OR51B5: variants seen among roughly 807,000 people sequenced by gnomAD.
OR51B5 encodes the protein olfactory receptor family 51 subfamily B member 5.
For missense variants in OR51B5, 456 were observed against 374.6 expected (o/e 1.22, Z -1.79); for synonymous variants, 186 against 144.8 (o/e 1.28, Z -2.04).
chr11:5,496,486 ATTC>A (rs1408003123), intron 1 of OR51B5, among the ~76,000 whole-genome samples: 2 of 152,072 alleles, frequency 1.3e-5, no homozygotes, highest in African/African-American at 4.8e-5. Flanking sequence ...CTCCGATGAC[ATTC>A]TTGTGTACTG....
At chr11:5,469,795 A>T (rs2133800270) in intron 1 of OR51B5, among the ~76,000 whole-genome samples, 1 of 152,278 alleles carries the variant, frequency 6.6e-6, no homozygotes, top group African/African-American at 2.4e-5. Context: ...TTTCTTCCAT[A>T]AGTGAGGTGC....
chr11:5,351,098 A>G (rs963527348), intron 1 of OR51B5, among the ~76,000 whole-genome samples: 1 of 152,190 alleles, frequency 6.6e-6, no homozygotes, highest in Admixed American at 6.5e-5. Context: ...CATCCACCCT[A>G]TAATACCACC....
chr11:5,468,588 T>C (rs371820518), intron 1 of OR51B5: 25 of 444,826 alleles, frequency 5.6e-5, no homozygotes, highest in Middle Eastern at 3.3e-4. Flanking sequence ...CAAAGAGACA[T>C]GAACTTGTGC....
In OR51B5 at chr11:5,342,738, C is replaced by CA. The variant is rs1848915708; in HGVS notation, c.786dup (p.Gly263TrpfsTer29). ...TGAACAATATGTGGAACCTGCTTTC[C>CA]AAAACGATGAATCAGAGACAATCCA... On this transcript the variant is annotated frameshift_variant, in exon 1 of 1. Coordinates refer to ENST00000300773, the Ensembl canonical transcript of OR51B5. LOFTEE classifies it low-confidence loss of function (END_TRUNC). 6.2e-7 allele frequency: 1 copy of CA among 1,613,584 alleles called. No individual in the cohort carries two copies. Among genetic ancestry groups the CA allele is most frequent in the Admixed American group, 1.7e-5 (1 of 59,966 alleles).
chr11:5,370,569 T>A (rs1694299950), intron 1 of OR51B5, among the ~76,000 whole-genome samples: 1 of 152,194 alleles, frequency 6.6e-6, no homozygotes, highest in African/African-American at 2.4e-5. Flanking sequence ...TCTTTCTGTG[T>A]TTAGAAATGA....
intron 1 of OR51B5, among the ~76,000 whole-genome samples, chr11:5,477,161 T>C (rs1338038122): frequency 6.6e-6 from 1 of 152,260 alleles, no homozygotes; most frequent in East Asian, 2.0e-4. Context: ...TGTATACTTA[T>C]ATCCAAACTC....
At chr11:5,505,383 T>A (rs1175666854) in intron 1 of OR51B5, 14 of 1,303,624 alleles carry the variant, frequency 1.1e-5, no homozygotes, top group Admixed American at 2.3e-5. Flanking sequence ...GAGGCAAGAC[T>A]TTCCTCTTCA....
At chr11:5,418,224 G>A (rs1348990842) in intron 1 of OR51B5, among the ~76,000 whole-genome samples, 2 of 151,926 alleles carry the variant, frequency 1.3e-5, no homozygotes, top group Admixed American at 1.3e-4. Flanking sequence ...ATGGACACAG[G>A]AAGGGGAACA....
intron 1 of OR51B5, among the ~76,000 whole-genome samples, chr11:5,409,181 G>T (rs975116): frequency 0.81 from 123,660 of 152,136 alleles, 51,309 homozygotes; most frequent in Non-Finnish European, 0.89. Flanking sequence ...TAGGAAGCTA[G>T]GAAGCAAGGG....
intron 1 of OR51B5, among the ~76,000 whole-genome samples, chr11:5,416,911 G>T (rs1044447582): frequency 3.3e-5 from 5 of 151,530 alleles, no homozygotes; most frequent in Admixed American, 6.6e-5. Flanking sequence ...TTTCTTCACA[G>T]AATTGGAAAA....
chr11:5,413,118 C>T (rs1232668023), intron 1 of OR51B5, among the ~76,000 whole-genome samples: 3 of 152,286 alleles, frequency 2.0e-5, no homozygotes, highest in South Asian at 2.1e-4. Context: ...CAGCAGCATT[C>T]GCGGTTCACG....
chr11:5,479,316 G>A (rs1851370484), intron 1 of OR51B5, among the ~76,000 whole-genome samples: 1 of 151,258 alleles, frequency 6.6e-6, no homozygotes. Flanking sequence ...AATGCTGAGA[G>A]ATTTTGTCAC....
chr11:5,442,252 A>T (rs558181818), intron 1 of OR51B5, among the ~76,000 whole-genome samples: 1 of 152,342 alleles, frequency 6.6e-6, no homozygotes, highest in East Asian at 1.9e-4. Context: ...GCAGCTGGAT[A>T]AAACCAAAGA....
chr11:5,360,205 G>A (rs1021479429), intron 1 of OR51B5, among the ~76,000 whole-genome samples: 13 of 150,298 alleles, frequency 8.6e-5, no homozygotes, highest in Non-Finnish European at 1.8e-4. Flanking sequence ...GAGTGAACAG[G>A]CAACATACAG....
At position 5,394,168 on chromosome 11, in the gene OR51B5, C is replaced by T. The variant is rs1226471606; in HGVS notation, n.85-47258G>A. On this transcript the variant is annotated intron_variant and non_coding_transcript_variant, in intron 1 of 4. Coordinates refer to the OR51B5 transcript ENST00000415970. ...ATTTTGCATATCATGGTTTTTTAAG[C>T]ACATATTATAACCTAGGTATTATTC... Among the ~76,000 whole-genome samples, 8 of 152,052 alleles carry T rather than the reference C, an allele frequency of 5.3e-5. No individual in the cohort carries two copies. The East Asian group carries it at 1.2e-3, about 22-fold the overall frequency.
intron 1 of OR51B5, chr11:5,403,411 C>G (rs767045003): frequency 2.1e-6 from 1 of 471,392 alleles, no homozygotes; most frequent in South Asian, 1.5e-5. Context: ...CGTGTGTCCC[C>G]TCTGCTGCAA....
At chr11:5,373,549 A>G (rs1221820550) in intron 1 of OR51B5, among the ~76,000 whole-genome samples, 2 of 152,182 alleles carry the variant, frequency 1.3e-5, no homozygotes, top group East Asian at 3.9e-4. Flanking sequence ...GGGAAGCACA[A>G]GGGGTCATGG....
At chr11:5,413,786 A>G (rs1850188899) in intron 1 of OR51B5, among the ~76,000 whole-genome samples, 1 of 151,954 alleles carries the variant, frequency 6.6e-6, no homozygotes, top group South Asian at 2.1e-4. Flanking sequence ...GACTATGTGA[A>G]AAGACCAAAT....
chr11:5,378,483 C>T (rs555988540), intron 1 of OR51B5, among the ~76,000 whole-genome samples: 94 of 152,274 alleles, frequency 6.2e-4, no homozygotes, highest in Middle Eastern at 3.4e-3. Flanking sequence ...AACTAAAGAG[C>T]TTCTGCACAG....
Sources: allele counts gnomAD v4.1 joint callset (sites outside exome capture counted in the v4.1 genomes callset), GRCh38; gene constraint gnomAD v4.1.1; transcripts MANE v1.5; gene names NCBI Gene and HGNC (gene_info 2026-07-23, HGNC 2026-07-21).